Variants in SEZ6L observed in about 807,000 individuals in gnomAD.
SEZ6L encodes the protein seizure 6-like protein.
A neutral mutation model predicts 106.2 loss-of-function variants in SEZ6L; 37 were observed. That is an observed-to-expected ratio of 0.35 (90% CI 0.27 to 0.46). SEZ6L has a LOEUF of 0.46. Among genes scored for constraint, SEZ6L ranks in the 20% least tolerant of loss-of-function variants. The pLI is 1.00. For synonymous variants in SEZ6L, 541 were observed against 570.4 expected, an observed-to-expected ratio of 0.95 and a Z score of 0.73; for missense variants, 1,172 against 1,332.8, an observed-to-expected ratio of 0.88 and a Z score of 1.88.
chr22:26,338,168 C>T (rs2082702908), intron 9 of SEZ6L, among the ~76,000 whole-genome samples: 1 of 152,198 alleles, frequency 6.6e-6, no homozygotes, highest in Non-Finnish European at 1.5e-5. Context: ...CTCAGTCATA[C>T]AGTTCCCGTA....
chr22:26,224,524 G>T (rs920372614), intron 1 of SEZ6L, among the ~76,000 whole-genome samples: 10 of 152,160 alleles, frequency 6.6e-5, no homozygotes, highest in African/African-American at 1.9e-4. Flanking sequence ...GCAGGGAGTG[G>T]CTTCATAGGA....
At chr22:26,177,337 G>T (rs914296115) in intron 1 of SEZ6L, among the ~76,000 whole-genome samples, 2 of 152,148 alleles carry the variant, frequency 1.3e-5, no homozygotes, top group Non-Finnish European at 2.9e-5. Context: ...TGGGAGGAGA[G>T]AAATACACTT....
In SEZ6L at chr22:26,206,980, T is replaced by C. The variant is rs140137387; in HGVS notation, c.94+37217T>C. On this transcript the variant is annotated intron_variant, in intron 1 of 16. Transcript: ENST00000248933. Reference sequence around the variant, plus strand: ...AGAGATCTCTGGAATAACCCAGTGTTTTGTGAACCTCGACAACGCTTATTT... The same window carrying C: ...AGAGATCTCTGGAATAACCCAGTGTCTTGTGAACCTCGACAACGCTTATTT... Among the ~76,000 whole-genome samples, 217 of 152,326 alleles carry C rather than the reference T, an allele frequency of 1.4e-3. 1 individual carries two copies. The highest frequency in any genetic ancestry group is 4.9e-3 in the African/African-American group (205 of 41,582).
chr22:26,347,649 G>A lies in SEZ6L; in HGVS notation c.2213-70G>A, dbSNP rs982896230. 2.3e-6 allele frequency: 3 copies of A among 1,328,620 alleles called. No homozygotes were observed. The African/African-American group carries it at 4.6e-5, about 20-fold the overall frequency. The allele number at this position is 1,328,620 out of a possible 1,614,324, so 82.3% of individuals were successfully genotyped here. ...TTTTTTCTCTTCGCTCATCCCTCTA[G>A]CCGTCATAAAAGGAGGCCCCGACAA... On this transcript the variant is annotated intron_variant, in intron 10 of 16. Transcript: ENST00000248933.
At chr22:26,251,231 G>A (rs957291113) in intron 1 of SEZ6L, among the ~76,000 whole-genome samples, 1 of 152,082 alleles carries the variant, frequency 6.6e-6, no homozygotes, top group African/African-American at 2.4e-5. Flanking sequence ...GTTCTTAAAG[G>A]AAAAGCTTTT....
chr22:26,327,540 C>T (rs2082355261), intron 9 of SEZ6L, among the ~76,000 whole-genome samples: 1 of 150,040 alleles, frequency 6.7e-6, no homozygotes, highest in Admixed American at 6.6e-5. Flanking sequence ...ACTACACACA[C>T]ACACCACACA....
At position 26,355,275 on chromosome 22, in the gene SEZ6L, A is replaced by C. The variant is rs191567602; in HGVS notation, c.2599+4032A>C. Among the ~76,000 whole-genome samples, 10 of 152,346 alleles carry C rather than the reference A, an allele frequency of 6.6e-5. 1 individual carries two copies. The highest frequency in any genetic ancestry group is 6.5e-4 in the Admixed American group (10 of 15,300). On this transcript the variant is annotated intron_variant, in intron 12 of 16. Transcript: ENST00000248933. ...GTGAGTAGCTTTCCTGAGGTCACAC[A>C]ACAGAAAGGAAGAACAGAATTCTAA...
At position 26,316,216 on chromosome 22, in the gene SEZ6L, G is replaced by T. The variant is rs140730563; in HGVS notation, c.2015+2314G>T. On this transcript the variant is annotated intron_variant, in intron 9 of 16. Coordinates refer to ENST00000248933, the MANE Select transcript of SEZ6L (RefSeq NM_021115.5). ...CAAGCACAATTTTATGTGCTGGAAAGGTTCTAATGGTTGTTCCTTCAGTGG... is the reference window on the plus strand; with the variant it reads ...CAAGCACAATTTTATGTGCTGGAAATGTTCTAATGGTTGTTCCTTCAGTGG... 6.9e-3 allele frequency among the ~76,000 whole-genome samples: 1,054 copies of T among 152,276 alleles called. 12 individuals carry two copies. Among genetic ancestry groups the T allele is most frequent in the African/African-American group, 0.024 (990 of 41,542 alleles).
At chr22:26,369,409 G>T (rs1013631565) in intron 13 of SEZ6L, among the ~76,000 whole-genome samples, 1 of 140,274 alleles carries the variant, frequency 7.1e-6, no homozygotes, top group African/African-American at 2.7e-5. Context: ...GCTGGATCTC[G>T]GCTCACTGCA....
chr22:26,285,420 A>G (rs963919325), intron 1 of SEZ6L, among the ~76,000 whole-genome samples: 1 of 152,238 alleles, frequency 6.6e-6, no homozygotes, highest in African/African-American at 2.4e-5. Flanking sequence ...GATCAGTTCC[A>G]GGAATTGGGA....
intron 12 of SEZ6L, among the ~76,000 whole-genome samples, chr22:26,355,760 G>A (rs2083418936): frequency 6.6e-6 from 1 of 152,100 alleles, no homozygotes; most frequent in Non-Finnish European, 1.5e-5. Flanking sequence ...GAAAAGAAAA[G>A]AAAACTGTAT....
At chr22:26,299,377 T>C (rs1045072487) in intron 5 of SEZ6L, among the ~76,000 whole-genome samples, 4 of 152,200 alleles carry the variant, frequency 2.6e-5, no homozygotes, top group Admixed American at 6.5e-5. Flanking sequence ...TTTTAGTATG[T>C]TCACGCTATT....
intron 1 of SEZ6L, among the ~76,000 whole-genome samples, chr22:26,270,981 C>T (rs993476561): frequency 7.9e-5 from 12 of 152,184 alleles, no homozygotes; most frequent in African/African-American, 2.9e-4. Flanking sequence ...ATGAGATGTC[C>T]ACTAATGATC....
intron 10 of SEZ6L, among the ~76,000 whole-genome samples, chr22:26,347,418 A>G (rs755381106): frequency 5.3e-5 from 8 of 152,064 alleles, no homozygotes; most frequent in Non-Finnish European, 1.2e-4. Context: ...GCAGAGTCAA[A>G]AAGTGATTGT....
chr22:26,221,726 G>A (rs1179670296), intron 1 of SEZ6L, among the ~76,000 whole-genome samples: 1 of 139,904 alleles, frequency 7.1e-6, no homozygotes, highest in Non-Finnish European at 1.5e-5. Context: ...GAATTCATGC[G>A]CGTGCACACG....
At chr22:26,199,797 A>G (rs1475549515) in intron 1 of SEZ6L, among the ~76,000 whole-genome samples, 2 of 152,182 alleles carry the variant, frequency 1.3e-5, no homozygotes, top group Non-Finnish European at 1.5e-5. Flanking sequence ...ATTCAGTTCT[A>G]CAAGACTTGA....
At chr22:26,263,891 A>G (rs1466153750) in intron 1 of SEZ6L, among the ~76,000 whole-genome samples, 1 of 152,172 alleles carries the variant, frequency 6.6e-6, no homozygotes, top group African/African-American at 2.4e-5. Context: ...TAGTCCCCAC[A>G]GCTAGCCATG....
At chr22:26,257,223 C>T (rs1021377436) in intron 1 of SEZ6L, among the ~76,000 whole-genome samples, 3 of 152,156 alleles carry the variant, frequency 2.0e-5, no homozygotes, top group Middle Eastern at 3.4e-3. Flanking sequence ...GTTAAGGAAC[C>T]CCAATCTAGG....
rs137198 is a variant in SEZ6L at position 26,284,604 on chromosome 22, CAAAAA to C, written c.95-7778_95-7774del. Reference sequence around the variant, plus strand: ...CAGCCTTGATGACAGATCAGGACTCCAAAAAAAAAAAAAAAAAAAAAAAAAAAACC... The same window carrying C: ...CAGCCTTGATGACAGATCAGGACTCCAAAAAAAAAAAAAAAAAAAAAAACC... On this transcript the variant is annotated intron_variant, in intron 1 of 16. Transcript: ENST00000248933. 2.7e-4 allele frequency among the ~76,000 whole-genome samples: 17 copies of C among 64,032 alleles called. 1 individual carries two copies. The highest frequency in any genetic ancestry group is 1.1e-3 in the East Asian group (1 of 892). 42.0% of individuals were successfully genotyped at this position (64,032 alleles called of 152,430 possible). A position where few individuals can be genotyped will look rare whatever the true frequency, so the allele number is the denominator to read the frequency against.
Sources: gnomAD v4.1 joint callset for allele counts (sites outside exome capture counted in the v4.1 genomes callset) on GRCh38, gnomAD v4.1.1 for gene constraint, MANE v1.5 for transcripts, NCBI Gene and HGNC (gene_info 2026-07-23, HGNC 2026-07-21) for gene names.